Variants in MYO1D observed in about 807,000 individuals in gnomAD.
MYO1D encodes myosin ID.
A neutral mutation model predicts 122.0 loss-of-function variants in MYO1D; 83 were observed. That is an observed-to-expected ratio of 0.68 (90% CI 0.57 to 0.82). The LOEUF (loss-of-function observed/expected upper bound fraction) is 0.82, where lower values mean the gene tolerates loss of function less well. Among genes scored for constraint, MYO1D ranks in the 40% least tolerant of loss-of-function variants. The pLI, the probability that MYO1D is intolerant of heterozygous loss-of-function variation, is 0.00. For synonymous variants in MYO1D, 464 were observed against 446.9 expected (o/e 1.04, Z -0.48); for missense variants, 1,157 against 1,269.5 (o/e 0.91, Z 1.35).
Position 32,643,352 on chromosome 17 carries a change from G to A in MYO1D, c.2596-4517C>T, listed in dbSNP as rs148160464. Among the ~76,000 whole-genome samples the A allele has an allele frequency of 3.4e-3, 512 of 152,164 alleles. 7 individuals carry two copies. The highest frequency in any genetic ancestry group is 6.0e-4 in the Non-Finnish European group (41 of 67,998). On this transcript the variant is annotated intron_variant, in intron 19 of 21. Coordinates refer to ENST00000318217, the MANE Select transcript of MYO1D (RefSeq NM_015194.3). ...GTATTTTATTCAGGATTTTTGCATC[G>A]ATGTTCATCAGGTATATTGGTCTAA...
chr17:32,532,840 TATCTACACTAA>T (rs1430821610), intron 21 of MYO1D, among the ~76,000 whole-genome samples: 1 of 151,544 alleles, frequency 6.6e-6, no homozygotes, highest in Non-Finnish European at 1.5e-5. Flanking sequence ...TATTTGGCTT[TATCTACACTAA>T]GGTTATTTTG....
intron 13 of MYO1D, among the ~76,000 whole-genome samples, chr17:32,739,974 A>C (rs1433879878): frequency 5.3e-5 from 8 of 152,226 alleles, no homozygotes; most frequent in Non-Finnish European, 1.2e-4. Flanking sequence ...AAATGCTGCA[A>C]TAACCTGTGG....
chr17:32,575,433 T>C (rs1409135376), intron 21 of MYO1D, among the ~76,000 whole-genome samples: 1 of 152,266 alleles, frequency 6.6e-6, no homozygotes, highest in East Asian at 1.9e-4. Context: ...TGAGGCTTTA[T>C]TGAAAGTTCA....
intron 21 of MYO1D, among the ~76,000 whole-genome samples, chr17:32,604,435 C>T (rs2087601754): frequency 6.6e-6 from 1 of 152,160 alleles, no homozygotes; most frequent in Non-Finnish European, 1.5e-5. Context: ...GAAATCCAAT[C>T]TCTGAAACAA....
At chr17:32,822,781 G>A (rs1336587433) in intron 1 of MYO1D, among the ~76,000 whole-genome samples, 2 of 151,548 alleles carry the variant, frequency 1.3e-5, no homozygotes, top group Non-Finnish European at 2.9e-5. Context: ...CCCGCACCCG[G>A]CCGACCTCCG....
intron 21 of MYO1D, among the ~76,000 whole-genome samples, chr17:32,603,729 G>A (rs557406201): frequency 6.6e-6 from 1 of 152,030 alleles, no homozygotes; most frequent in Admixed American, 6.5e-5. Flanking sequence ...GTTTCACTGT[G>A]TTACCCAGGA....
chr17:32,717,493 G>A (rs575012670), intron 15 of MYO1D, among the ~76,000 whole-genome samples: 1 of 152,200 alleles, frequency 6.6e-6, no homozygotes, highest in Admixed American at 6.5e-5. Context: ...TTTCCTTTCT[G>A]CATTCATCTT....
intron 20 of MYO1D, among the ~76,000 whole-genome samples, chr17:32,611,973 T>C (rs17780520): frequency 0.13 from 20,059 of 152,284 alleles, 1,573 homozygotes; most frequent in Middle Eastern, 0.24. Flanking sequence ...AAAAAGGATG[T>C]GTAAGGTTCT....
At position 32,738,450 on chromosome 17, in the gene MYO1D, C is replaced by T. The variant is rs1598053565; in HGVS notation, c.1614-65G>A. ...AATAAGCTGGATAAAAACTGATAAG[C>T]AATTCTGCTGAAATGTATCCTGAGA... On this transcript the variant is annotated intron_variant, in intron 13 of 21. Coordinates refer to ENST00000318217, the MANE Select transcript of MYO1D (RefSeq NM_015194.3). The T allele has an allele frequency of 4.1e-6, 6 of 1,446,026 alleles. No individual in the cohort carries two copies. The East Asian group carries it at 1.5e-4, about 36-fold the overall frequency. 89.6% of individuals were successfully genotyped at this position (1,446,026 alleles called of 1,614,324 possible). A position where few individuals can be genotyped will look rare whatever the true frequency, so the allele number is the denominator to read the frequency against.
intron 21 of MYO1D, among the ~76,000 whole-genome samples, chr17:32,548,789 C>A (rs1164914661): frequency 1.3e-5 from 2 of 149,956 alleles, no homozygotes; most frequent in Non-Finnish European, 2.9e-5. Flanking sequence ...TCTTGGCTCT[C>A]TGCAACCTCT....
chr17:32,545,770 A>ATT (rs67044833), intron 21 of MYO1D, among the ~76,000 whole-genome samples: 1 of 141,566 alleles, frequency 7.1e-6, no homozygotes, highest in African/African-American at 2.7e-5. Context: ...TATCCAGGTG[A>ATT]TTTTTTTTTT....
At chr17:32,829,681 C>G (rs767207112) in intron 1 of MYO1D, among the ~76,000 whole-genome samples, 3 of 152,212 alleles carry the variant, frequency 2.0e-5, no homozygotes, top group Non-Finnish European at 2.9e-5. Flanking sequence ...TCTCAAACTC[C>G]TGGCATCAAG....
intron 21 of MYO1D, among the ~76,000 whole-genome samples, chr17:32,574,446 G>A (rs1427437457): frequency 6.6e-6 from 1 of 152,062 alleles, no homozygotes; most frequent in Non-Finnish European, 1.5e-5. Flanking sequence ...TGTAAATAGC[G>A]TCTCCACAAA....
intron 16 of MYO1D, among the ~76,000 whole-genome samples, chr17:32,677,580 AAT>A (rs10523328): frequency 0.037 from 4,992 of 134,692 alleles, 74 homozygotes; most frequent in East Asian, 0.04. Flanking sequence ...TAGATAGATA[AAT>A]ATATATATAT....
intron 21 of MYO1D, among the ~76,000 whole-genome samples, chr17:32,569,353 G>A (rs781485788): frequency 1.3e-5 from 2 of 152,356 alleles, no homozygotes; most frequent in South Asian, 2.1e-4. Context: ...GGAAGTGTTT[G>A]CAGGTGCACT....
chr17:32,633,744 G>A (rs1567920583), intron 20 of MYO1D, among the ~76,000 whole-genome samples: 1 of 151,372 alleles, frequency 6.6e-6, no homozygotes, highest in Non-Finnish European at 1.5e-5. Context: ...TGTCTTTGCT[G>A]TTCCTTCTGT....
chr17:32,670,950 G>A (rs1728981290), intron 16 of MYO1D, among the ~76,000 whole-genome samples: 1 of 152,196 alleles, frequency 6.6e-6, no homozygotes, highest in Non-Finnish European at 1.5e-5. Flanking sequence ...CAGAAAGGCT[G>A]TAACACTGAC....
intron 1 of MYO1D, among the ~76,000 whole-genome samples, chr17:32,828,242 C>G (rs1452042110): frequency 6.6e-6 from 1 of 152,096 alleles, no homozygotes; most frequent in Non-Finnish European, 1.5e-5. Flanking sequence ...GGAGGCCGGG[C>G]GCAGTGGCTC....
chr17:32,864,737 T>C (rs988503931), intron 1 of MYO1D, among the ~76,000 whole-genome samples: 4 of 152,130 alleles, frequency 2.6e-5, no homozygotes, highest in African/African-American at 2.4e-5. Context: ...ACATAAAATA[T>C]AGTAAATGCA....
Sources: allele counts gnomAD v4.1 joint callset (sites outside exome capture counted in the v4.1 genomes callset), GRCh38; gene constraint gnomAD v4.1.1; transcripts MANE v1.5; gene names NCBI Gene and HGNC (gene_info 2026-07-23, HGNC 2026-07-21).